Variants in SLC26A11 observed in about 807,000 individuals in gnomAD.
SLC26A11 encodes the protein solute carrier family 26 member 11.
In SLC26A11, 58 loss-of-function variants were observed where a neutral mutation model predicts 62.2. The ratio of observed to expected loss-of-function variants is 0.93; its 90% CI spans 0.76 to 1.16. The LOEUF (loss-of-function observed/expected upper bound fraction) is 1.16. Among genes scored for constraint, SLC26A11 ranks in the 50% most tolerant of loss-of-function variants. SLC26A11 has a pLI of 0.00. For synonymous variants in SLC26A11, 411 were observed against 368.9 expected, an observed-to-expected ratio of 1.11 and a Z score of -1.31; for missense variants, 790 against 794.3, an observed-to-expected ratio of 0.99 and a Z score of 0.06.
rs528599432 is a variant in SLC26A11, at chr17:80,232,949, A to G, written c.737-3979A>G. Reference sequence around the variant, plus strand: ...ACATTAAACTTCAACTTCATGTGATATAAGAACCTTATAACAGGCCAGGCG... The same window carrying G: ...ACATTAAACTTCAACTTCATGTGATGTAAGAACCTTATAACAGGCCAGGCG... On this transcript the variant is annotated intron_variant, in intron 7 of 17. Transcript: ENST00000361193. Among the ~76,000 whole-genome samples, 41 of 152,276 alleles carry G rather than the reference A, an allele frequency of 2.7e-4. 1 individual carries two copies. The highest frequency in any genetic ancestry group is 9.4e-4 in the African/African-American group (39 of 41,572).
Position 80,246,775 on chromosome 17 carries a change from C to T in SLC26A11, c.1294+126C>T. On this transcript the variant is annotated intron_variant, in intron 13 of 17. Transcript: ENST00000361193. The surrounding 1 kb of genome is among the most constrained non-coding windows in gnomAD (Gnocchi z 4.4). ...CTGGGACTGGGAAGTTAGGGCAGTC[C>T]CGGAACAGAGAAGTGGATGGCCAGG... is the stretch of plus-strand genomic sequence containing the variant. The T allele has an allele frequency of 1.6e-6, 2 of 1,290,120 alleles. No homozygotes were observed. The highest frequency in any genetic ancestry group is 2.5e-5 in the East Asian group (1 of 39,452). The allele number at this position is 1,290,120 out of a possible 1,614,324, so 79.9% of individuals were successfully genotyped here. A position where few individuals can be genotyped will look rare whatever the true frequency, so the allele number is the denominator to read the frequency against.
chr17:80,227,489 TG>T (rs1361230602), intron 6 of SLC26A11, among the ~76,000 whole-genome samples: 2 of 152,234 alleles, frequency 1.3e-5, no homozygotes, highest in African/African-American at 2.4e-5. Context: ...TGCCCAAGCC[TG>T]TGTACTTACT....
chr17:80,247,194 G>A (rs561123031), intron 13 of SLC26A11, among the ~76,000 whole-genome samples: 73 of 152,142 alleles, frequency 4.8e-4, no homozygotes, highest in African/African-American at 1.8e-3. Flanking sequence ...CAAGGCAGAG[G>A]AATTTTTCTT....
At position 80,239,100 on chromosome 17, in the gene SLC26A11, G is replaced by A. The variant is rs1476181098; in HGVS notation, c.985+1506G>A. On this transcript the variant is annotated intron_variant, in intron 9 of 17. Coordinates refer to ENST00000361193, the MANE Select transcript of SLC26A11 (RefSeq NM_001166347.2). ...TAATTTTTTTTTTTTTTTTTTTTGA[G>A]ATAGTGTTTCACTCTTGTTGCCCAT... Among the ~76,000 whole-genome samples the A allele has an allele frequency of 2.1e-5, 3 of 141,296 alleles. No homozygotes were observed. In the Admixed American group the frequency reaches 2.1e-4, roughly 10 times the overall value. The allele number at this position is 141,296 out of a possible 152,430, so 92.7% of individuals were successfully genotyped here. A position where few individuals can be genotyped will look rare whatever the true frequency, so the allele number is the denominator to read the frequency against.
intron 7 of SLC26A11, 127 bp from the exon 8 acceptor site, chr17:80,236,801 T>C (rs2042705328): frequency 1.1e-6 from 1 of 950,706 alleles, no homozygotes; most frequent in Non-Finnish European, 1.6e-6. Flanking sequence ...GAGTGCAGAG[T>C]GAGGACTGTG....
At chr17:80,232,139 A>T (rs551572714) in intron 7 of SLC26A11, among the ~76,000 whole-genome samples, 7 of 152,096 alleles carry the variant, frequency 4.6e-5, no homozygotes, top group African/African-American at 1.7e-4. Context: ...TAGAATTATA[A>T]TTTTCTCTTG....
At chr17:80,232,129 T>C (rs941291545) in intron 7 of SLC26A11, among the ~76,000 whole-genome samples, 33 of 152,344 alleles carry the variant, frequency 2.2e-4, no homozygotes, top group East Asian at 9.6e-4. Flanking sequence ...TAAAAACATA[T>C]AGAATTATAA....
chr17:80,248,751 C>G, intron 15 of SLC26A11, 77 bp downstream of exon 15: 2 of 1,388,210 alleles, frequency 1.4e-6, no homozygotes, highest in Non-Finnish European at 2.0e-6. Context: ...TTCAGGACCC[C>G]AAGACCCTGT....
chr17:80,249,387 G>A lies in SLC26A11; in HGVS notation c.1656+100G>A, dbSNP rs554331921. Reference sequence around the variant, plus strand: ...TGTGACATCTCTGGGCTGTGATGCTGGACGGCCCTTCGGCCGGTGCTGGCT... The same window carrying A: ...TGTGACATCTCTGGGCTGTGATGCTAGACGGCCCTTCGGCCGGTGCTGGCT... On this transcript the variant is annotated intron_variant, in intron 16 of 17. Coordinates refer to ENST00000361193, the MANE Select transcript of SLC26A11 (RefSeq NM_001166347.2). 5.4e-6 allele frequency: 8 copies of A among 1,483,156 alleles called. No individual in the cohort carries two copies. In the African/African-American group the frequency reaches 6.9e-5, roughly 13 times the overall value. 91.9% of individuals were successfully genotyped at this position (1,483,156 alleles called of 1,614,324 possible). A position where few individuals can be genotyped will look rare whatever the true frequency, so the allele number is the denominator to read the frequency against.
At position 80,236,295 on chromosome 17, in the gene SLC26A11, C is replaced by T. The variant is rs186024910; in HGVS notation, c.737-633C>T. ...CTGCAGATCTCTGCAGCTCTGTCTC[C>T]GGCTGCCCTCTCTGCTCCTGTGACC... On this transcript the variant is annotated intron_variant, in intron 7 of 17. Coordinates refer to ENST00000361193, the MANE Select transcript of SLC26A11 (RefSeq NM_001166347.2). Among the ~76,000 whole-genome samples the T allele has an allele frequency of 5.1e-4, 78 of 152,334 alleles. No individual in the cohort carries two copies. The East Asian group carries it at 5.6e-3, about 11-fold the overall frequency.
Position 80,246,165 on chromosome 17 carries a change from A to G in SLC26A11, c.1109A>G (p.Asn370Ser), listed in dbSNP as rs1409063309. 3 of 1,613,116 alleles carry G rather than the reference A, an allele frequency of 1.9e-6. No homozygotes were observed. The highest frequency in any genetic ancestry group is 2.7e-5 in the African/African-American group (2 of 75,028). The change falls in exon 12 of 18, where the codon AAC (asparagine) becomes AGC (serine). Residue 370 changes from asparagine to serine, a missense_variant. Physicochemically the swap from Asn to Ser is conservative, Grantham distance 46. Coordinates refer to ENST00000361193, the MANE Select transcript of SLC26A11 (RefSeq NM_001166347.2). This position sits in a 1 kb window ranked among gnomAD's most constrained non-coding sequence, Gnocchi z 4.4. ...VTGSFGRTAV[N>S]AQSGVCTPAG... ...GTGTTGCCTTCCAGGACAGCCGTGAACGCTCAGTCGGGGGTGTGCACCCCG... is the reference window on the plus strand; with the variant it reads ...GTGTTGCCTTCCAGGACAGCCGTGAGCGCTCAGTCGGGGGTGTGCACCCCG...
chr17:80,234,638 CT>C (rs2042645511), intron 7 of SLC26A11, among the ~76,000 whole-genome samples: 1 of 152,176 alleles, frequency 6.6e-6, no homozygotes, highest in South Asian at 2.1e-4. Flanking sequence ...GCAGAATCCC[CT>C]GTCTGTATTT....
At chr17:80,249,858 T>C (rs1175737275) in intron 16 of SLC26A11, among the ~76,000 whole-genome samples, 2 of 150,984 alleles carry the variant, frequency 1.3e-5, no homozygotes, top group African/African-American at 4.9e-5. Flanking sequence ...TAAGCCGAGA[T>C]CCCACTACTG....
chr17:80,251,919 G>A (rs941873088), intron 17 of SLC26A11, among the ~76,000 whole-genome samples: 1 of 152,116 alleles, frequency 6.6e-6, no homozygotes, highest in African/African-American at 2.4e-5. Flanking sequence ...TTCATACCTG[G>A]TGCTCTGGAA....
chr17:80,249,846 A>C (rs2144987005), intron 16 of SLC26A11, among the ~76,000 whole-genome samples: 1 of 151,928 alleles, frequency 6.6e-6, no homozygotes, highest in East Asian at 1.9e-4. Context: ...TGGAGGTTGC[A>C]GTAAGCCGAG....
intron 16 of SLC26A11, among the ~76,000 whole-genome samples, chr17:80,249,872 T>A (rs1395842819): frequency 6.6e-6 from 1 of 152,160 alleles, no homozygotes; most frequent in Non-Finnish European, 1.5e-5. Flanking sequence ...ACTACTGTAC[T>A]CCAGCCTGGG....
intron 14 of SLC26A11, 108 bp from the exon 15 acceptor site, chr17:80,248,467 G>T (rs1043969385): frequency 1.5e-6 from 2 of 1,318,892 alleles, no homozygotes; most frequent in East Asian, 5.1e-5. Context: ...CCCTCTCCCG[G>T]TCCCCTGCAG....
intron 5 of SLC26A11, among the ~76,000 whole-genome samples, chr17:80,225,133 C>G (rs925756623): frequency 6.6e-6 from 1 of 152,000 alleles, no homozygotes; most frequent in African/African-American, 2.4e-5. Context: ...CCCAGGAGTT[C>G]GAATCCAGCC....
In SLC26A11 at chr17:80,236,973, C is replaced by G; in HGVS notation, c.782C>G (p.Ser261Cys). ...VVSFAALVAYSFEVTGYQPFI... is the reference protein window; with the variant it reads ...VVSFAALVAYCFEVTGYQPFI... ...TCCTTCGCAGCCCTGGTTGCGTACT[C>G]CTTCGAGGTGACTGGATACCAGCCT... Residue 261 changes from serine to cysteine, a missense_variant, in exon 8 of 18, where the codon TCC (serine) becomes TGC (cysteine). By Grantham distance (112) the Ser-to-Cys change is moderately radical (BLOSUM62 -1). Coordinates refer to ENST00000361193, the MANE Select transcript of SLC26A11 (RefSeq NM_001166347.2). 6.2e-7 allele frequency: 1 copy of G among 1,614,118 alleles called. No individual in the cohort carries two copies.
Sources: gnomAD v4.1 joint callset for allele counts (sites outside exome capture counted in the v4.1 genomes callset) on GRCh38, gnomAD v4.1.1 for gene constraint, Gnocchi (gnomAD v3.1) non-coding constraint, MANE v1.5 for transcripts, NCBI Gene and HGNC (gene_info 2026-07-23, HGNC 2026-07-21) for gene names.